The following NPIPB11 variants were observed in gnomAD, a reference collection of about 807,000 sequenced individuals.
NPIPB11 encodes the protein nuclear pore complex interacting protein family member B11, also known as nuclear pore complex-interacting protein family member B11.
A neutral mutation model predicts 32.8 loss-of-function variants in NPIPB11; 17 were observed. The observed-to-expected ratio is 0.52, with a 90% CI of 0.35 to 0.78. The LOEUF is 0.78. Ranked by LOEUF, NPIPB11 falls within the 30% of genes least tolerant of loss-of-function variation. NPIPB11 has a pLI of 0.01. For synonymous variants in NPIPB11, 209 were observed against 398.4 expected (o/e 0.52, Z 5.66); for missense variants, 537 against 1,000.4 (o/e 0.54, Z 6.25).
exon 4 of NPIPB11, chr16:29,390,314 T>C: frequency 6.4e-7 from 1 of 1,551,400 alleles, no homozygotes; most frequent in Non-Finnish European, 8.8e-7. Context: ...ATCATGTCCA[T>C]TTCGAGACCA....
At chr16:29,401,719 G>A (rs904451641) in intron 2 of NPIPB11, among the ~76,000 whole-genome samples, 3 of 152,120 alleles carry the variant, frequency 2.0e-5, no homozygotes, top group African/African-American at 4.8e-5. Context: ...GTGTCACCTC[G>A]AGGCAAGAGT....
At chr16:29,394,169 C>A in intron 2 of NPIPB11, 93 bp from the exon 3 acceptor site, 1 of 1,389,798 alleles carries the variant, frequency 7.2e-7, no homozygotes, top group South Asian at 1.3e-5. Context: ...TCAACCTCCT[C>A]CAAAAGGTAA....
At chr16:29,401,394 C>A (rs528740946) in intron 2 of NPIPB11, among the ~76,000 whole-genome samples, 1 of 152,230 alleles carries the variant, frequency 6.6e-6, no homozygotes, top group South Asian at 2.1e-4. Flanking sequence ...GAGTTCACTG[C>A]TGATTACATC....
intron 3 of NPIPB11, among the ~76,000 whole-genome samples, chr16:29,393,138 C>T (rs1963762517): frequency 1.3e-5 from 2 of 151,226 alleles, no homozygotes; most frequent in Non-Finnish European, 2.9e-5. Context: ...ACTGATCTCT[C>T]TCCAGTTCCA....
intron 3 of NPIPB11, among the ~76,000 whole-genome samples, chr16:29,393,557 C>T (rs1963773193): frequency 6.6e-6 from 1 of 151,518 alleles, no homozygotes; most frequent in South Asian, 2.1e-4. Flanking sequence ...TGTCTGTTGT[C>T]AGCTCATTTC....
exon 8 of NPIPB11, chr16:29,382,250 A>G: frequency 6.3e-7 from 1 of 1,598,948 alleles, no homozygotes; most frequent in Middle Eastern, 2.3e-4. Context: ...TGAGATTATC[A>G]TCCGCTGAGG....
At chr16:29,383,271 T>A (rs1301262058) in exon 8 of NPIPB11, 1 of 1,561,460 alleles carries the variant, frequency 6.4e-7, no homozygotes, top group African/African-American at 1.4e-5. Context: ...GAGATTATCA[T>A]CCGCTGAGGG....
chr16:29,390,525 C>A (rs369323240), intron 3 of NPIPB11, among the ~76,000 whole-genome samples, 177 bp from the exon 4 acceptor site: 2 of 151,370 alleles, frequency 1.3e-5, no homozygotes, highest in East Asian at 3.9e-4. Context: ...TGGCAGCGGG[C>A]GCCTGTAATC....
intron 3 of NPIPB11, among the ~76,000 whole-genome samples, chr16:29,393,442 A>G (rs1963770297): frequency 6.6e-6 from 1 of 152,062 alleles, no homozygotes; most frequent in Non-Finnish European, 1.5e-5. Flanking sequence ...TCCCCTCAGA[A>G]GAGGGTGCTC....
chr16:29,389,432 G>A (rs1300801354), intron 5 of NPIPB11, among the ~76,000 whole-genome samples: 1 of 144,268 alleles, frequency 6.9e-6, no homozygotes, highest in Non-Finnish European at 1.5e-5. Context: ...CCAGCACTTT[G>A]GGAGGCTGAG....
intron 3 of NPIPB11, among the ~76,000 whole-genome samples, chr16:29,391,970 C>T (rs1381941463): frequency 6.6e-6 from 1 of 152,040 alleles, no homozygotes; most frequent in Non-Finnish European, 1.5e-5. Context: ...ATCCACCTGC[C>T]TCAGCCTCCC....
Position 29,383,809 on chromosome 16 carries a change from C to T in NPIPB11, c.1123G>A (p.Glu375Lys), listed in dbSNP as rs776620779. 36 of 1,211,974 alleles carry T rather than the reference C, an allele frequency of 3.0e-5. 6 individuals are homozygous for T. The highest frequency in any genetic ancestry group is 3.2e-4 in the Middle Eastern group (1 of 3,104). The allele number at this position is 1,211,974 out of a possible 1,614,324, so 75.1% of individuals were successfully genotyped here. ...GGTGGAAGCGGCCCCCGCAGACGCTCGGCAGTTGTCTTGATATTATCATCT... is the reference window on the plus strand; with the variant it reads ...GGTGGAAGCGGCCCCCGCAGACGCTTGGCAGTTGTCTTGATATTATCATCT... The change falls in exon 8 of 8, where the codon GAG becomes AAG. Residue 375 changes from glutamate to lysine, a missense_variant. Coordinates refer to ENST00000524087, the Ensembl canonical transcript of NPIPB11.
At chr16:29,402,748 G>GTGTGTGTATGTA (rs1964027013) in intron 2 of NPIPB11, among the ~76,000 whole-genome samples, 1 of 150,362 alleles carries the variant, frequency 6.7e-6, no homozygotes, top group Admixed American at 6.6e-5. Context: ...GTGTGTGTGT[G>GTGTGTGTATGTA]TGTGTGTGTG....
In NPIPB11 at chr16:29,397,523, G is replaced by A. The variant is rs1195366519; in HGVS notation, c.121-3447C>T. ...GTGTAATTTCATGCCGCGTGACACAGCCCAGTAAAAAGGAAGAAACCCCGA... is the reference window on the plus strand; with the variant it reads ...GTGTAATTTCATGCCGCGTGACACAACCCAGTAAAAAGGAAGAAACCCCGA... On this transcript the variant is annotated intron_variant, in intron 2 of 7. Transcript: ENST00000524087. 8.7e-6 allele frequency: 13 copies of A among 1,501,152 alleles called. No homozygotes were observed. In the East Asian group the frequency reaches 3.2e-4, roughly 37 times the overall value. 93.0% of individuals were successfully genotyped at this position (1,501,152 alleles called of 1,614,324 possible).
At chr16:29,402,723 T>TGTGTGTGTGTG (rs1317525749) in intron 2 of NPIPB11, among the ~76,000 whole-genome samples, 3 of 116,730 alleles carry the variant, frequency 2.6e-5, no homozygotes, top group African/African-American at 1.3e-4. Context: ...TCTCTCTCTC[T>TGTGTGTGTGTG]CTGTGTGTGT....
At chr16:29,391,943 A>T (rs1963732310) in intron 3 of NPIPB11, among the ~76,000 whole-genome samples, 1 of 150,374 alleles carries the variant, frequency 6.7e-6, no homozygotes, top group African/African-American at 2.5e-5. Flanking sequence ...CTGGTCTTGA[A>T]CTCCTGACCT....
rs748323793 is a variant in NPIPB11 at position 29,390,384 on chromosome 16, C to A, written c.250-36G>T. 3.8e-6 allele frequency: 6 copies of A among 1,580,238 alleles called. No individual in the cohort carries two copies. In the African/African-American group the frequency reaches 6.7e-5, roughly 18 times the overall value. ...ATAATATAAGAATGACGGCTGGGCA[C>A]GGTGGCTCATGCGTATAATCCCAGT... On this transcript the variant is annotated intron_variant, in intron 3 of 7. Transcript: ENST00000524087.
At chr16:29,397,043 G>T (rs1024180945) in intron 2 of NPIPB11, among the ~76,000 whole-genome samples, 1 of 151,190 alleles carries the variant, frequency 6.6e-6, no homozygotes, top group Admixed American at 6.6e-5. Context: ...AATTAGCCAG[G>T]CGTTGTAATC....
chr16:29,390,455 C>T (rs1043324642), intron 3 of NPIPB11, 107 bp from the exon 4 acceptor site: 3 of 1,548,826 alleles, frequency 1.9e-6, no homozygotes, highest in African/African-American at 2.7e-5. Context: ...AGGAGCAAGA[C>T]CAGCCTGGCC....
Sources: allele counts gnomAD v4.1 joint callset (sites outside exome capture counted in the v4.1 genomes callset), GRCh38; gene constraint gnomAD v4.1.1; transcripts MANE v1.5; gene names NCBI Gene and HGNC (gene_info 2026-07-23, HGNC 2026-07-21).